TYW1: variants seen among roughly 807,000 people sequenced by gnomAD.
The protein encoded by TYW1 is S-adenosyl-L-methionine-dependent tRNA 4-demethylwyosine synthase TYW1.
A neutral mutation model predicts 96.2 loss-of-function variants in TYW1; 46 were observed. The observed-to-expected ratio is 0.48, with a 90% CI of 0.38 to 0.61. TYW1 has a LOEUF of 0.61. Among genes scored for constraint, TYW1 ranks in the 20% least tolerant of loss-of-function variants. The pLI, the probability that TYW1 is intolerant of heterozygous loss-of-function variation, is 0.00. For missense variants in TYW1, 684 were observed against 909.6 expected (o/e 0.75, Z 3.19); for synonymous variants, 274 against 323.0 (o/e 0.85, Z 1.63).
intron 13 of TYW1, among the ~76,000 whole-genome samples, chr7:67,139,440 C>T (rs1421034696): frequency 2.0e-5 from 3 of 152,110 alleles, no homozygotes; most frequent in African/African-American, 7.2e-5. Flanking sequence ...TGTGTATGCA[C>T]ACATACATAT....
At chr7:67,201,654 T>C (rs531322251) in intron 15 of TYW1, among the ~76,000 whole-genome samples, 30 of 152,204 alleles carry the variant, frequency 2.0e-4, no homozygotes, top group African/African-American at 7.2e-4. Context: ...AGCAAAGATA[T>C]AGATATCAAA....
chr7:67,062,814 T>C (rs1302400562), intron 9 of TYW1, among the ~76,000 whole-genome samples: 1 of 152,122 alleles, frequency 6.6e-6, no homozygotes, highest in Non-Finnish European at 1.5e-5. Context: ...ATTAAAAGCC[T>C]CCCCAAAGTG....
intron 14 of TYW1, among the ~76,000 whole-genome samples, chr7:67,186,856 G>C (rs1327049042): frequency 6.6e-6 from 1 of 151,998 alleles, no homozygotes; most frequent in Non-Finnish European, 1.5e-5. Context: ...TTTTGTCCTT[G>C]CATTCAACAA....
intron 14 of TYW1, among the ~76,000 whole-genome samples, chr7:67,193,537 T>C (rs542637735): frequency 6.6e-6 from 1 of 152,082 alleles, no homozygotes; most frequent in Non-Finnish European, 1.5e-5. Context: ...GATGGGCAGA[T>C]CAATTGAGGT....
At chr7:67,123,165 T>C (rs1437850087) in intron 13 of TYW1, among the ~76,000 whole-genome samples, 12 of 152,214 alleles carry the variant, frequency 7.9e-5, no homozygotes, top group Admixed American at 7.9e-4. Context: ...AAGTCTATTC[T>C]TGAGCCTTAA....
chr7:67,069,200 T>G (rs2115682193), intron 10 of TYW1, among the ~76,000 whole-genome samples: 1 of 152,302 alleles, frequency 6.6e-6, no homozygotes, highest in East Asian at 1.9e-4. Flanking sequence ...GTAGACAATG[T>G]TACAAATATG....
chr7:66,997,972 T>C, intron 1 of TYW1, 93 bp from the exon 2 acceptor site: 5 of 1,441,942 alleles, frequency 3.5e-6, no homozygotes, highest in Non-Finnish European at 4.6e-6. Context: ...GGTTGTTGAA[T>C]GTAAGGTTGG....
intron 13 of TYW1, among the ~76,000 whole-genome samples, chr7:67,179,061 A>G (rs1185701477): frequency 1.4e-5 from 2 of 141,796 alleles, no homozygotes; most frequent in Non-Finnish European, 1.5e-5. Context: ...ATTGAAGGGT[A>G]CAGCTCCTTG....
In TYW1 at chr7:67,166,472, C is replaced by A. The variant is rs188001044; in HGVS notation, c.1699-16654C>A. ...ATGAATTATTACAAAATGAACACAG[C>A]CAGCAAATAGCTCAAGAAATAGAAC... On this transcript the variant is annotated intron_variant, in intron 13 of 15. Transcript: ENST00000359626. 7.5e-3 allele frequency among the ~76,000 whole-genome samples: 1,138 copies of A among 151,150 alleles called. 14 individuals are homozygous for A. Among genetic ancestry groups the A allele is most frequent in the Non-Finnish European group, 0.013 (859 of 67,814 alleles).
intron 15 of TYW1, among the ~76,000 whole-genome samples, chr7:67,225,638 C>G (rs1215197923): frequency 6.6e-6 from 1 of 152,164 alleles, no homozygotes; most frequent in Non-Finnish European, 1.5e-5. Flanking sequence ...TGGAACTCAC[C>G]CTCATCAGAG....
At chr7:67,134,198 A>G (rs1207794235) in intron 13 of TYW1, among the ~76,000 whole-genome samples, 32 of 152,264 alleles carry the variant, frequency 2.1e-4, no homozygotes, top group Admixed American at 2.1e-3. Context: ...TCAGGTTCCC[A>G]GAAATGATTA....
chr7:67,225,921 T>G (rs1801546791), intron 15 of TYW1, among the ~76,000 whole-genome samples: 1 of 151,158 alleles, frequency 6.6e-6, no homozygotes, highest in South Asian at 2.1e-4. Context: ...GCAACAGCTC[T>G]CAGCATTCCA....
intron 4 of TYW1, among the ~76,000 whole-genome samples, chr7:67,011,744 C>T (rs918018919): frequency 1.4e-4 from 22 of 151,906 alleles, no homozygotes; most frequent in African/African-American, 3.6e-4. Context: ...TGGTGGTGGG[C>T]GCCTGTTAAT....
Position 67,125,049 on chromosome 7 carries a change from T to G in TYW1, c.1698+7431T>G, listed in dbSNP as rs185648806. On this transcript the variant is annotated intron_variant, in intron 13 of 15. Transcript: ENST00000359626. ...GGTTTCACCAGTTTGGTCAGGCTGG[T>G]CTCGAACTCCTGACTTCAAGTGATC... is the stretch of plus-strand genomic sequence containing the variant. Among the ~76,000 whole-genome samples the G allele has an allele frequency of 3.7e-3, 566 of 152,236 alleles. 3 individuals are homozygous for G. The highest frequency in any genetic ancestry group is 0.025 in the Admixed American group (375 of 15,288).
chr7:67,077,616 G>A (rs1211550157), intron 10 of TYW1, among the ~76,000 whole-genome samples: 1 of 152,116 alleles, frequency 6.6e-6, no homozygotes, highest in African/African-American at 2.4e-5. Context: ...TGGGTTGTTT[G>A]AATTTTTTGT....
chr7:67,151,175 C>T (rs1262935966), intron 13 of TYW1, among the ~76,000 whole-genome samples: 8 of 152,210 alleles, frequency 5.3e-5, no homozygotes, highest in Middle Eastern at 6.8e-3. Context: ...CTCAGCCTCC[C>T]GAATAGCTGG....
rs780772657 is a variant in TYW1 at position 67,067,294 on chromosome 7, C to T, written c.1165C>T (p.Arg389Ter). 14 of 1,613,722 alleles carry T rather than the reference C, an allele frequency of 8.7e-6. No homozygotes were observed. Among genetic ancestry groups the T allele is most frequent in the African/African-American group, 1.3e-5 (1 of 74,852 alleles). Residue 389 changes from arginine to a stop codon, truncating the protein, a stop_gained, in exon 10 of 16, where the codon CGA becomes TGA. Transcript: ENST00000359626. LOFTEE classifies it high-confidence loss of function. The stretch of plus-strand genomic sequence containing the variant: ...TGTTTACTTGTCATAGTCCATGCTC[C>T]GAGGGAGAGGAGGTTGTTACAAACA... Reference protein sequence around the residue: ...KLCRWTKSMLRGRGGCYKHTF... With the variant: ...KLCRWTKSML
At chr7:67,077,990 T>G (rs1381459840) in intron 10 of TYW1, among the ~76,000 whole-genome samples, 4 of 152,220 alleles carry the variant, frequency 2.6e-5, no homozygotes, top group African/African-American at 9.6e-5. Context: ...ATATTTGGAT[T>G]TATTTCTGGG....
At chr7:67,210,481 C>T (rs1008846623) in intron 15 of TYW1, among the ~76,000 whole-genome samples, 18 of 152,148 alleles carry the variant, frequency 1.2e-4, no homozygotes, top group East Asian at 1.9e-4. Flanking sequence ...AGGAAATCAC[C>T]GTGTGTGGTC....
Sources: allele counts gnomAD v4.1 joint callset (sites outside exome capture counted in the v4.1 genomes callset), GRCh38; gene constraint gnomAD v4.1.1; transcripts MANE v1.5; gene names NCBI Gene and HGNC (gene_info 2026-07-23, HGNC 2026-07-21).